Variants in CCDC60 observed in about 807,000 individuals in gnomAD.
CCDC60 encodes the protein coiled-coil domain-containing protein 60.
CCDC60 carries 54 observed loss-of-function variants against 63.5 expected under a neutral mutation model. That is an observed-to-expected ratio of 0.85 (90% confidence interval 0.68 to 1.07). CCDC60 has a LOEUF of 1.07. Among genes scored for constraint, CCDC60 ranks in the 50% least tolerant of loss-of-function variants. CCDC60 has a pLI of 0.00. For missense variants in CCDC60, 651 were observed against 684.3 expected (o/e 0.95, Z 0.54); for synonymous variants, 206 against 238.8 (o/e 0.86, Z 1.27).
At chr12:119,444,067 T>C (rs1303647446) in intron 2 of CCDC60, among the ~76,000 whole-genome samples, 4 of 152,330 alleles carry the variant, frequency 2.6e-5, no homozygotes, top group African/African-American at 9.6e-5. Flanking sequence ...TTTCTTATTA[T>C]CTGTGCAGGG....
At chr12:119,434,242 A>G (rs1270512852) in intron 2 of CCDC60, among the ~76,000 whole-genome samples, 1 of 151,504 alleles carries the variant, frequency 6.6e-6, no homozygotes, top group African/African-American at 2.4e-5. Context: ...ATTAGAAATA[A>G]CAAAGGTGGA....
intron 1 of CCDC60, among the ~76,000 whole-genome samples, chr12:119,353,947 C>G (rs999464780): frequency 5.9e-5 from 9 of 151,978 alleles, no homozygotes; most frequent in African/African-American, 2.2e-4. Context: ...GGTGCTCACC[C>G]TCTTCCTGGC....
At chr12:119,438,353 A>G (rs969662679) in intron 2 of CCDC60, among the ~76,000 whole-genome samples, 1 of 152,224 alleles carries the variant, frequency 6.6e-6, no homozygotes, top group Non-Finnish European at 1.5e-5. Flanking sequence ...ACCTTTTGTT[A>G]CACAGGGCTT....
chr12:119,470,837 C>T (rs1331366254), intron 2 of CCDC60, among the ~76,000 whole-genome samples: 1 of 152,190 alleles, frequency 6.6e-6, no homozygotes, highest in Non-Finnish European at 1.5e-5. Context: ...ATGTATCTCT[C>T]TCTCCCTCTC....
intron 7 of CCDC60, among the ~76,000 whole-genome samples, chr12:119,508,995 C>T (rs1952134026): frequency 6.6e-6 from 1 of 151,984 alleles, no homozygotes; most frequent in Non-Finnish European, 1.5e-5. Context: ...AGGAAGGAGA[C>T]TTTGCAATGA....
rs376491110 is a variant in CCDC60 at position 119,416,424 on chromosome 12, AAACAGGGAGGTCTCATTCATG to A, written c.91-12254_91-12234del. 4.1e-3 allele frequency among the ~76,000 whole-genome samples: 620 copies of A among 152,308 alleles called. 5 individuals carry two copies. The highest frequency in any genetic ancestry group is 0.014 in the African/African-American group (586 of 41,560). On this transcript the variant is annotated intron_variant, in intron 1 of 13. Coordinates refer to ENST00000327554, the MANE Select transcript of CCDC60 (RefSeq NM_178499.5). ...AATAAGGCAGTGTCTGCTGTGGGAC[AAACAGGGAGGTCTCATTCATG>A]AACACACTCCAGTGAGGAATATCCA...
At chr12:119,414,151 T>C (rs11064787) in intron 1 of CCDC60, among the ~76,000 whole-genome samples, 11,965 of 152,052 alleles carry the variant, frequency 0.079, 574 homozygotes, top group Middle Eastern at 0.15. Context: ...CCCAAGTAGC[T>C]GGGATTACAG....
chr12:119,455,336 A>T (rs1950706005), intron 2 of CCDC60, among the ~76,000 whole-genome samples: 1 of 152,246 alleles, frequency 6.6e-6, no homozygotes, highest in South Asian at 2.1e-4. Flanking sequence ...GCCCACAGAC[A>T]GTAAGAAAGG....
At chr12:119,490,565 TTC>T (rs1486993487) in intron 5 of CCDC60, among the ~76,000 whole-genome samples, 1 of 149,754 alleles carries the variant, frequency 6.7e-6, no homozygotes, top group African/African-American at 2.5e-5. Context: ...TGCCTTCTTC[TTC>T]TTTTTTTTTT....
chr12:119,389,954 AGT>A (rs1376598626), intron 1 of CCDC60, among the ~76,000 whole-genome samples: 6 of 152,344 alleles, frequency 3.9e-5, no homozygotes, highest in African/African-American at 1.4e-4. Flanking sequence ...ACTCCTGGTC[AGT>A]GTGTGGCCAC....
chr12:119,510,967 T>C (rs971477825), intron 7 of CCDC60, among the ~76,000 whole-genome samples: 4 of 152,140 alleles, frequency 2.6e-5, no homozygotes, highest in Admixed American at 2.6e-4. Context: ...CTTGTATGCA[T>C]AGAAAGAATC....
At chr12:119,401,676 T>G (rs531228569) in intron 1 of CCDC60, among the ~76,000 whole-genome samples, 5 of 152,360 alleles carry the variant, frequency 3.3e-5, no homozygotes, top group African/African-American at 1.2e-4. Context: ...TGAATTTATT[T>G]TAACATCAGT....
chr12:119,436,132 T>C (rs1028509975), intron 2 of CCDC60, among the ~76,000 whole-genome samples: 7 of 152,244 alleles, frequency 4.6e-5, no homozygotes, highest in Admixed American at 3.9e-4. Flanking sequence ...GGTGGAAAAA[T>C]AGATTCTACT....
At chr12:119,537,791 C>T (rs542181634) in intron 13 of CCDC60, among the ~76,000 whole-genome samples, 4 of 152,274 alleles carry the variant, frequency 2.6e-5, no homozygotes, top group African/African-American at 4.8e-5. Flanking sequence ...CTGGAAGCTT[C>T]GTCCCAAAGG....
At chr12:119,458,442 T>G (rs1950788870) in intron 2 of CCDC60, among the ~76,000 whole-genome samples, 1 of 152,242 alleles carries the variant, frequency 6.6e-6, no homozygotes, top group African/African-American at 2.4e-5. Context: ...TTTTTATTTT[T>G]TTTTAAGTAC....
intron 1 of CCDC60, among the ~76,000 whole-genome samples, chr12:119,389,195 T>C (rs745334240): frequency 6.6e-6 from 1 of 152,186 alleles, no homozygotes; most frequent in East Asian, 1.9e-4. Context: ...AACACATAAG[T>C]ACCTCAGTTG....
Position 119,334,802 on chromosome 12 carries a change from C to T in CCDC60, c.-375C>T, listed in dbSNP as rs141640566. The T allele has an allele frequency of 3.3e-3, 522 of 155,994 alleles. 1 individual carries two copies. Among genetic ancestry groups the T allele is most frequent in the African/African-American group, 0.012 (494 of 41,790 alleles). The allele number at this position is 155,994 out of a possible 1,614,324, so 9.7% of individuals were successfully genotyped here. ...TCGGAGGATGGCGATCTGGGAGCCC[C>T]TCCATGGGACCCCTCTCACACTTTG... is the stretch of plus-strand genomic sequence containing the variant. On this transcript the variant is annotated 5_prime_UTR_variant, in exon 1 of 14. Transcript: ENST00000327554.
intron 13 of CCDC60, 74 bp downstream of exon 13, chr12:119,531,137 GT>G (rs1442751949): frequency 1.1e-5 from 14 of 1,319,824 alleles, no homozygotes; most frequent in Non-Finnish European, 2.1e-6. Context: ...TTCAGGCACT[GT>G]TTAAGTGCTG....
At chr12:119,519,399 ATATGTGTG>A (rs1435579130) in intron 8 of CCDC60, among the ~76,000 whole-genome samples, 2 of 99,958 alleles carry the variant, frequency 2.0e-5, no homozygotes, top group Non-Finnish European at 4.0e-5. Context: ...GTAGTGATAT[ATATGTGTG>A]TGTGTGTGTG....
Sources: allele counts gnomAD v4.1 joint callset (sites outside exome capture counted in the v4.1 genomes callset), GRCh38; gene constraint gnomAD v4.1.1; transcripts MANE v1.5; gene names NCBI Gene and HGNC (gene_info 2026-07-23, HGNC 2026-07-21).